The following REV3L variants were observed in gnomAD, a reference collection of about 807,000 sequenced individuals.
REV3L encodes DNA polymerase zeta catalytic subunit.
REV3L carries 69 observed loss-of-function variants against 299.4 expected under a neutral mutation model. The observed-to-expected ratio is 0.23, with a 90% confidence interval of 0.19 to 0.28. REV3L has a LOEUF of 0.28. Among genes scored for constraint, REV3L ranks in the 10% least tolerant of loss-of-function variants. The probability of loss-of-function intolerance (pLI) is 1.00; values close to 1 mark genes in which losing one functional copy is unlikely to be tolerated. For synonymous variants in REV3L, 1,238 were observed against 1,271.4 expected (o/e 0.97, Z 0.56); for missense variants, 3,128 against 3,693.8 (o/e 0.85, Z 3.97).
At chr6:111,301,563 C>T (rs1007087583) in intron 31 of REV3L, among the ~76,000 whole-genome samples, 11 of 151,904 alleles carry the variant, frequency 7.2e-5, no homozygotes, top group African/African-American at 2.7e-4. Context: ...ACCAGTGGTT[C>T]TTAACCCTGG....
At chr6:111,458,729 T>C (rs1436860075) in intron 1 of REV3L, among the ~76,000 whole-genome samples, 16 of 151,814 alleles carry the variant, frequency 1.1e-4, no homozygotes, top group Admixed American at 9.2e-4. Flanking sequence ...CTAATGAAAG[T>C]AGTGAAAGAT....
chr6:111,335,403 T>A (rs1775805048), intron 22 of REV3L, 66 bp downstream of exon 22: 2 of 1,499,278 alleles, frequency 1.3e-6, no homozygotes, highest in Non-Finnish European at 1.8e-6. Flanking sequence ...TCAAATCACT[T>A]CAAACATCAC....
At chr6:111,345,929 T>C (rs1030719367) in intron 20 of REV3L, among the ~76,000 whole-genome samples, 2 of 152,172 alleles carry the variant, frequency 1.3e-5, no homozygotes, top group African/African-American at 4.8e-5. Context: ...CCAGTGTTTA[T>C]ATTTTCTCTC....
intron 9 of REV3L, 102 bp from the exon 10 acceptor site, chr6:111,381,546 T>C: frequency 1.0e-6 from 1 of 983,964 alleles, no homozygotes; most frequent in Non-Finnish European, 1.5e-6. Context: ...TATAAACCTA[T>C]TTTAAATTTC....
chr6:111,470,665 T>G lies in REV3L; in HGVS notation c.139+12085A>C, dbSNP rs999364023. On this transcript the variant is annotated intron_variant, in intron 1 of 31. Transcript: ENST00000368802. Reference sequence around the variant, plus strand: ...ATCATAATTAATTTGGATATCTTTCTAATGACCTCATTAAAAAATTAAAAG... The same window carrying G: ...ATCATAATTAATTTGGATATCTTTCGAATGACCTCATTAAAAAATTAAAAG... 2.6e-5 allele frequency among the ~76,000 whole-genome samples: 4 copies of G among 152,224 alleles called. No homozygotes were observed. In the East Asian group the frequency reaches 7.7e-4, roughly 29 times the overall value.
chr6:111,340,618 G>A (rs897955533), intron 21 of REV3L, among the ~76,000 whole-genome samples: 3 of 152,058 alleles, frequency 2.0e-5, no homozygotes, highest in African/African-American at 7.2e-5. Context: ...TTAAAACACT[G>A]TAGAAAGCAA....
chr6:111,300,417 A>G (rs997179666), intron 31 of REV3L, among the ~76,000 whole-genome samples: 2 of 152,204 alleles, frequency 1.3e-5, no homozygotes, highest in African/African-American at 4.8e-5. Flanking sequence ...TTCATTTACA[A>G]TGGAATCCTA....
intron 1 of REV3L, among the ~76,000 whole-genome samples, chr6:111,423,801 G>A (rs1785850689): frequency 6.6e-6 from 1 of 152,128 alleles, no homozygotes; most frequent in African/African-American, 2.4e-5. Flanking sequence ...GTAGGATAAG[G>A]CAGAAGGAAT....
At position 111,329,611 on chromosome 6, in the gene REV3L, T is replaced by C; in HGVS notation, c.8162A>G (p.Gln2721Arg). 1.9e-6 allele frequency: 3 copies of C among 1,614,190 alleles called. No individual in the cohort carries two copies. Among genetic ancestry groups the C allele is most frequent in the Non-Finnish European group, 2.5e-6 (3 of 1,180,034 alleles). ...ATTTGCTATCAGCTTAAGTCCCAAC[T>C]GACGCGCATCAAGCATTCGTGACAG... ...RALSRMLDAR[Q>R]LGLKLIANVT... The change falls in exon 25 of 32, where the codon CAG (glutamine) becomes CGG (arginine). Residue 2721 changes from glutamine (Q) to arginine (R), a missense_variant. Coordinates refer to ENST00000368802, the MANE Select transcript of REV3L (RefSeq NM_001372078.1).
In REV3L at chr6:111,460,836, A is replaced by G. The variant is rs188699342; in HGVS notation, c.139+21914T>C. On this transcript the variant is annotated intron_variant, in intron 1 of 31. Transcript: ENST00000368802. ...TAATCGACAAGGGACCACATATATA[A>G]TGGTGGTCCCATAAGATTACGATGA... is the stretch of plus-strand genomic sequence containing the variant. 8.8e-4 allele frequency among the ~76,000 whole-genome samples: 134 copies of G among 152,270 alleles called. 1 individual carries two copies. The highest frequency in any genetic ancestry group is 3.1e-3 in the African/African-American group (129 of 41,582).
intron 31 of REV3L, 75 bp downstream of exon 31, chr6:111,307,286 A>AT: frequency 2.3e-6 from 3 of 1,292,894 alleles, no homozygotes; most frequent in Non-Finnish European, 3.4e-6. Context: ...ATCTCACACT[A>AT]TAATTCAAGA....
intron 20 of REV3L, 88 bp downstream of exon 20, chr6:111,349,130 G>A (rs1434155352): frequency 5.7e-6 from 4 of 699,070 alleles, no homozygotes; most frequent in African/African-American, 1.8e-5. Flanking sequence ...AAGCTATATA[G>A]TAAATCTTAC....
At chr6:111,314,834 G>A (rs1420247625) in intron 27 of REV3L, among the ~76,000 whole-genome samples, 1 of 148,480 alleles carries the variant, frequency 6.7e-6, no homozygotes, top group Non-Finnish European at 1.5e-5. Flanking sequence ...ATACAAAAGA[G>A]AAAATATTTA....
In REV3L at chr6:111,462,113, A is replaced by T. The variant is rs776672834; in HGVS notation, c.139+20637T>A. On this transcript the variant is annotated intron_variant, in intron 1 of 31. Transcript: ENST00000368802. ...AAAAACAGAAAAAATATGTTGGGAG[A>T]CAATTCTCCATGGGTCTCTGTTGAG... 3.6e-4 allele frequency among the ~76,000 whole-genome samples: 55 copies of T among 152,166 alleles called. 2 individuals carry two copies. Among genetic ancestry groups the T allele is most frequent in the Non-Finnish European group, 5.9e-5 (4 of 68,006 alleles).
At position 111,329,356 on chromosome 6, in the gene REV3L, T is replaced by C. The variant is rs556114227; in HGVS notation, c.8241+176A>G. 3.4e-3 allele frequency among the ~76,000 whole-genome samples: 519 copies of C among 152,106 alleles called. 5 individuals are homozygous for C. The highest frequency in any genetic ancestry group is 1.4e-3 in the Non-Finnish European group (94 of 67,994). On this transcript the variant is annotated intron_variant, in intron 25 of 31. Coordinates refer to ENST00000368802, the MANE Select transcript of REV3L (RefSeq NM_001372078.1). Reference sequence around the variant, plus strand: ...CCATGCCTGGCCTTTTTTTTTTTTTTTTCTTTTAAAAAAGAGATGAGGTCT... The same window carrying C: ...CCATGCCTGGCCTTTTTTTTTTTTTCTTCTTTTAAAAAAGAGATGAGGTCT...
At chr6:111,412,033 T>C (rs755529969) in intron 2 of REV3L, 73 of 985,272 alleles carry the variant, frequency 7.4e-5, no homozygotes, top group Non-Finnish European at 8.8e-5. Flanking sequence ...CAAAGTCCTT[T>C]ACTTAACAAC....
At position 111,299,629 on chromosome 6, in the gene REV3L, A is replaced by C. The variant is rs537626045; in HGVS notation, c.*387T>G. 2 of 155,238 alleles carry C rather than the reference A, an allele frequency of 1.3e-5. No homozygotes were observed. Among genetic ancestry groups the C allele is most frequent in the African/African-American group, 4.8e-5 (2 of 41,702 alleles). 9.6% of individuals were successfully genotyped at this position (155,238 alleles called of 1,614,324 possible). Reference sequence around the variant, plus strand: ...AATTATAAAGTGAATGGATATCTCGAAGTAACACGTCTTGATACAGACAGT... The same window carrying C: ...AATTATAAAGTGAATGGATATCTCGCAGTAACACGTCTTGATACAGACAGT... On this transcript the variant is annotated 3_prime_UTR_variant, in exon 32 of 32. Coordinates refer to ENST00000368802, the MANE Select transcript of REV3L (RefSeq NM_001372078.1).
chr6:111,418,298 T>A (rs1784974953), intron 1 of REV3L, among the ~76,000 whole-genome samples: 1 of 152,194 alleles, frequency 6.6e-6, no homozygotes, highest in African/African-American at 2.4e-5. Flanking sequence ...AGTCAATATA[T>A]CTCAATAATG....
At chr6:111,315,677 G>T in intron 26 of REV3L, 1 of 310,498 alleles carries the variant, frequency 3.2e-6, no homozygotes, top group South Asian at 4.7e-5. Flanking sequence ...GCTTTGTATG[G>T]TACACAAGGG....
Sources: gnomAD v4.1 joint callset for allele counts (sites outside exome capture counted in the v4.1 genomes callset) on GRCh38, gnomAD v4.1.1 for gene constraint, MANE v1.5 for transcripts, NCBI Gene and HGNC (gene_info 2026-07-23, HGNC 2026-07-21) for gene names.